Variants in KANK1 observed in about 807,000 individuals in gnomAD.
The protein encoded by KANK1 is KN motif and ankyrin repeat domains 1, also known as KN motif and ankyrin repeat domain-containing protein 1.
A neutral mutation model predicts 106.2 loss-of-function variants in KANK1; 109 were observed. The observed-to-expected ratio is 1.03, with a 90% CI of 0.88 to 1.20. The LOEUF (loss-of-function observed/expected upper bound fraction) is 1.20. Ranked by LOEUF, KANK1 falls within the 50% of genes most tolerant of loss-of-function variation. KANK1 has a pLI of 0.00. For missense variants in KANK1, 2,399 were observed against 1,710.7 expected, an observed-to-expected ratio of 1.40 and a Z score of -7.10; for synonymous variants, 873 against 652.2, an observed-to-expected ratio of 1.34 and a Z score of -5.16.
chr9:643,543 A>ATTTTTTTT (rs774468238), intron 1 of KANK1, among the ~76,000 whole-genome samples: 6 of 102,462 alleles, frequency 5.9e-5, no homozygotes, highest in Non-Finnish European at 9.6e-5. Flanking sequence ...TTTCTTTTTG[A>ATTTTTTTT]TTTTTTTTTT....
In KANK1 at chr9:712,992, T is replaced by C. The variant is rs959163942; in HGVS notation, c.2226T>C (p.Leu742=). The C allele has an allele frequency of 6.2e-7, 1 of 1,614,022 alleles. No individual in the cohort carries two copies. The highest frequency in any genetic ancestry group is 8.5e-7 in the Non-Finnish European group (1 of 1,180,016). ...KTRSIGVGTL[L]SGHSGFDRPS... ...GGTCCATTGGTGTTGGAACGTTGCT[T>C]TCTGGCCATTCTGGGTTTGACAGGC... The change falls in exon 3 of 12, where the codon CTT becomes CTC. Residue 742 remains leucine (L), a synonymous_variant. Coordinates refer to ENST00000382297, the MANE Select transcript of KANK1 (RefSeq NM_015158.5).
At chr9:725,701 A>T (rs1004149134) in intron 3 of KANK1, among the ~76,000 whole-genome samples, 8 of 152,134 alleles carry the variant, frequency 5.3e-5, no homozygotes, top group African/African-American at 1.9e-4. Flanking sequence ...TCCTGGCAGC[A>T]TGTTCCTGGG....
At position 712,401 on chromosome 9, in the gene KANK1, CAG is replaced by C; in HGVS notation, c.1636_1637del (p.Ser546CysfsTer8). ...TCVGTSVETN[S>X]VGISCQPECK... is the part of the protein sequence containing the mutation. ...GTGTTGGGACCTCCGTGGAAACAAA[CAG>C]TGTAGGCATCTCCTGCCAGCCTGAA... On this transcript the variant is annotated frameshift_variant, in exon 3 of 12. Coordinates refer to ENST00000382297, the MANE Select transcript of KANK1 (RefSeq NM_015158.5). LOFTEE classifies it high-confidence loss of function. 1 of 1,614,166 alleles carries C rather than the reference CAG, an allele frequency of 6.2e-7. No individual in the cohort carries two copies. The highest frequency in any genetic ancestry group is 8.5e-7 in the Non-Finnish European group (1 of 1,180,038).
chr9:676,355 A>T lies in KANK1; in HGVS notation c.-83-535A>T, dbSNP rs79802994. Among the ~76,000 whole-genome samples, 5 of 152,334 alleles carry T rather than the reference A, an allele frequency of 3.3e-5. No homozygotes were observed. In the East Asian group the frequency reaches 9.6e-4, roughly 29 times the overall value. ...TTTTTGTTTAAGAGGAGGAGGACTG[A>T]CTGGATCAGATTTGTGCTTTAGAAA... On this transcript the variant is annotated intron_variant, in intron 1 of 11. Coordinates refer to ENST00000382297, the MANE Select transcript of KANK1 (RefSeq NM_015158.5).
At chr9:665,717 G>A (rs1844412397) in intron 1 of KANK1, among the ~76,000 whole-genome samples, 1 of 152,058 alleles carries the variant, frequency 6.6e-6, no homozygotes, top group Admixed American at 6.5e-5. Flanking sequence ...ATTTTGATAG[G>A]GATTACATTG....
rs542053876 is a variant in KANK1, at chr9:712,183, G to A, written c.1417G>A (p.Glu473Lys). Reference protein sequence around the residue: ...ESLKEKIYRLEVQLRETTHDR... With the variant: ...ESLKEKIYRLKVQLRETTHDR... ...CTTGAAGGAAAAGATCTATCGCCTAGAAGTACAGCTTAGAGAAACCACCCA... is the reference window on the plus strand; with the variant it reads ...CTTGAAGGAAAAGATCTATCGCCTAAAAGTACAGCTTAGAGAAACCACCCA... Residue 473 changes from glutamate to lysine, a missense_variant, in exon 3 of 12, where the codon GAA (glutamate) becomes AAA (lysine). By Grantham distance (56) the Glu-to-Lys change is moderately conservative. Coordinates refer to ENST00000382297, the MANE Select transcript of KANK1 (RefSeq NM_015158.5). 63 of 1,614,006 alleles carry A rather than the reference G, an allele frequency of 3.9e-5. No homozygotes were observed. The highest frequency in any genetic ancestry group is 1.0e-4 in the Admixed American group (6 of 60,000).
intron 2 of KANK1, among the ~76,000 whole-genome samples, chr9:694,612 C>T (rs541739610): frequency 1.3e-5 from 2 of 152,290 alleles, no homozygotes; most frequent in South Asian, 4.1e-4. Context: ...ACTGTATAAA[C>T]CGCAAGGCCC....
chr9:524,748 C>G (rs1275140747), intron 1 of KANK1, among the ~76,000 whole-genome samples: 6 of 151,560 alleles, frequency 4.0e-5, no homozygotes, highest in Non-Finnish European at 7.4e-5. Context: ...AACTCCTGAC[C>G]TCAGGTGATC....
chr9:714,832 C>G (rs1432381369), intron 3 of KANK1, among the ~76,000 whole-genome samples: 1 of 152,210 alleles, frequency 6.6e-6, no homozygotes, highest in African/African-American at 2.4e-5. Context: ...TGACCATGTG[C>G]ACTGCCTCTC....
intron 1 of KANK1, among the ~76,000 whole-genome samples, chr9:530,198 G>T (rs2059994360): frequency 6.6e-6 from 1 of 152,074 alleles, no homozygotes; most frequent in Admixed American, 6.6e-5. Context: ...TTCATCTTTT[G>T]ATTCGGGTTA....
intron 2 of KANK1, among the ~76,000 whole-genome samples, chr9:689,900 A>T (rs973335977): frequency 6.6e-6 from 1 of 152,018 alleles, no homozygotes; most frequent in African/African-American, 2.4e-5. Context: ...TTTGCAAGGT[A>T]AGCTTACCTG....
chr9:664,526 G>GAC, intron 1 of KANK1, among the ~76,000 whole-genome samples: 1 of 152,090 alleles, frequency 6.6e-6, no homozygotes, highest in Non-Finnish European at 1.5e-5. Context: ...CAAACTCCTG[G>GAC]ACTCAAGCGA....
chr9:504,964 G>T (rs1175847479), intron 1 of KANK1, among the ~76,000 whole-genome samples: 5 of 151,076 alleles, frequency 3.3e-5, no homozygotes, highest in East Asian at 3.9e-4. Flanking sequence ...CGGTCCTGGG[G>T]GGGGGTCCGA....
intron 2 of KANK1, among the ~76,000 whole-genome samples, chr9:696,058 C>T (rs1301525701): frequency 6.6e-6 from 1 of 151,544 alleles, no homozygotes; most frequent in Non-Finnish European, 1.5e-5. Flanking sequence ...TTTGGGAAGC[C>T]CGGCTCACGA....
chr9:620,947 A>C (rs938966209), intron 1 of KANK1, among the ~76,000 whole-genome samples: 2 of 152,186 alleles, frequency 1.3e-5, no homozygotes, highest in African/African-American at 2.4e-5. Context: ...ATTGGAAATT[A>C]GTCATCATTT....
chr9:591,296 G>T (rs1824812898), intron 1 of KANK1, among the ~76,000 whole-genome samples: 1 of 151,344 alleles, frequency 6.6e-6, no homozygotes, highest in Admixed American at 6.6e-5. Flanking sequence ...TTTCTTTATG[G>T]TTTCCATATA....
intron 1 of KANK1, among the ~76,000 whole-genome samples, chr9:669,835 C>G (rs1012410192): frequency 6.6e-6 from 1 of 152,092 alleles, no homozygotes; most frequent in Non-Finnish European, 1.5e-5. Context: ...TCTTGCTCAA[C>G]TTTCTCTTGA....
chr9:649,290 G>A (rs1007551882), intron 1 of KANK1, among the ~76,000 whole-genome samples: 1 of 152,046 alleles, frequency 6.6e-6, no homozygotes, highest in Non-Finnish European at 1.5e-5. Context: ...TGCCTGTCCT[G>A]GTTTATGTCT....
intron 1 of KANK1, among the ~76,000 whole-genome samples, chr9:565,138 C>T (rs975590237): frequency 2.6e-5 from 4 of 152,206 alleles, no homozygotes; most frequent in Non-Finnish European, 5.9e-5. Context: ...TTGAAGACCA[C>T]TAGGCATGTC....
Sources: gnomAD v4.1 joint callset for allele counts (sites outside exome capture counted in the v4.1 genomes callset) on GRCh38, gnomAD v4.1.1 for gene constraint, MANE v1.5 for transcripts, NCBI Gene and HGNC (gene_info 2026-07-23, HGNC 2026-07-21) for gene names.